The following PTPRA variants were observed in gnomAD, a reference collection of about 807,000 sequenced individuals.
PTPRA encodes protein tyrosine phosphatase receptor type A.
PTPRA carries 25 observed loss-of-function variants against 104.8 expected under a neutral mutation model. The ratio of observed to expected loss-of-function variants is 0.24; its 90% CI spans 0.17 to 0.33. The LOEUF (loss-of-function observed/expected upper bound fraction) is 0.33. Ranked by LOEUF, PTPRA falls within the 10% of genes least tolerant of loss-of-function variation. The pLI, the probability that PTPRA is intolerant of heterozygous loss-of-function variation, is 1.00. For synonymous variants in PTPRA, 323 were observed against 368.9 expected, an observed-to-expected ratio of 0.88 and a Z score of 1.43; for missense variants, 765 against 1,015.3, an observed-to-expected ratio of 0.75 and a Z score of 3.35.
At chr20:2,881,048 C>T (rs2090019535) in intron 1 of PTPRA, among the ~76,000 whole-genome samples, 1 of 151,396 alleles carries the variant, frequency 6.6e-6, no homozygotes, top group African/African-American at 2.4e-5. Flanking sequence ...GTGGGTCACA[C>T]CTGTAATCCC....
chr20:2,987,979 T>C, intron 7 of PTPRA, 53 bp from the exon 8 acceptor site: 1 of 1,424,692 alleles, frequency 7.0e-7, no homozygotes, highest in Non-Finnish European at 9.9e-7. Context: ...GAGGTGTGAT[T>C]TGCCTCTCCC....
At chr20:2,936,622 G>A (rs1193707442) in intron 2 of PTPRA, among the ~76,000 whole-genome samples, 2 of 150,928 alleles carry the variant, frequency 1.3e-5, no homozygotes, top group Non-Finnish European at 3.0e-5. Context: ...CATCATGCCT[G>A]GCTAATTTTT....
intron 2 of PTPRA, among the ~76,000 whole-genome samples, chr20:2,924,331 G>GTTCAA (rs2060214176): frequency 1.3e-5 from 2 of 152,346 alleles, no homozygotes; most frequent in Admixed American, 1.3e-4. Context: ...GAAGCCAGGA[G>GTTCAA]GCAGAAGTTG....
chr20:2,944,583 A>G (rs369434375), intron 2 of PTPRA, among the ~76,000 whole-genome samples: 6 of 152,164 alleles, frequency 3.9e-5, no homozygotes, highest in African/African-American at 9.7e-5. Context: ...TTACTTCTGC[A>G]TTTTATTGGT....
At chr20:3,005,237 C>T in intron 10 of PTPRA, 91 bp downstream of exon 10, 1 of 1,265,612 alleles carries the variant, frequency 7.9e-7, no homozygotes, top group Non-Finnish European at 1.1e-6. Context: ...CAATTGGGCA[C>T]AGCAGGGTGA....
intron 11 of PTPRA, among the ~76,000 whole-genome samples, chr20:3,014,504 C>T (rs545358480): frequency 1.3e-5 from 2 of 152,238 alleles, no homozygotes; most frequent in East Asian, 1.9e-4. Flanking sequence ...ATTAGCCGGC[C>T]GTGATGGCTC....
At chr20:2,940,307 GTTTTC>G (rs1352548451) in intron 2 of PTPRA, among the ~76,000 whole-genome samples, 7 of 148,868 alleles carry the variant, frequency 4.7e-5, no homozygotes, top group African/African-American at 1.2e-4. Flanking sequence ...ATTATATCTT[GTTTTC>G]TTTTCTTTTC....
At chr20:3,017,769 T>A in intron 12 of PTPRA, 47 bp from the exon 13 acceptor site, 1 of 1,537,644 alleles carries the variant, frequency 6.5e-7, no homozygotes, top group African/African-American at 1.4e-5. Context: ...CCCAGCATCT[T>A]TCTTCTTGGT....
intron 1 of PTPRA, among the ~76,000 whole-genome samples, chr20:2,910,021 CTATCATATATCATATCATATA>C (rs1568649371): frequency 1.2e-4 from 9 of 76,390 alleles, no homozygotes; most frequent in African/African-American, 1.1e-3. Flanking sequence ...CATATATAAT[CTATCATATATCATATCATATA>C]TAATATATAT....
chr20:2,885,212 GT>G (rs1237832071), intron 1 of PTPRA, among the ~76,000 whole-genome samples: 5 of 151,800 alleles, frequency 3.3e-5, no homozygotes, highest in Non-Finnish European at 1.5e-5. Flanking sequence ...AACACTTGTT[GT>G]TTTTTTTAAC....
chr20:2,899,045 A>C (rs549768694), intron 1 of PTPRA, among the ~76,000 whole-genome samples: 60 of 152,262 alleles, frequency 3.9e-4, no homozygotes, highest in African/African-American at 1.3e-3. Context: ...AGAGAACTAG[A>C]ATATTGTTTT....
At chr20:2,938,500 A>G (rs1001642293) in intron 2 of PTPRA, among the ~76,000 whole-genome samples, 1 of 151,670 alleles carries the variant, frequency 6.6e-6, no homozygotes, top group African/African-American at 2.4e-5. Context: ...GTTTTTAGCC[A>G]TTATTTCTTA....
intron 6 of PTPRA, among the ~76,000 whole-genome samples, chr20:2,976,807 A>T (rs1436146081): frequency 6.6e-6 from 1 of 152,216 alleles, no homozygotes. Flanking sequence ...ATAAGCAGTT[A>T]TGTCTTATGC....
chr20:3,021,783 C>T (rs1313556220), intron 14 of PTPRA, among the ~76,000 whole-genome samples: 1 of 152,210 alleles, frequency 6.6e-6, no homozygotes, highest in Non-Finnish European at 1.5e-5. Flanking sequence ...TGCCCCTGGC[C>T]CTCCAGGCAA....
chr20:2,991,651 G>A (rs1056318255), intron 9 of PTPRA, among the ~76,000 whole-genome samples: 1 of 152,144 alleles, frequency 6.6e-6, no homozygotes, highest in Non-Finnish European at 1.5e-5. Flanking sequence ...GGATGGTGAT[G>A]GTATTCCTGG....
intron 2 of PTPRA, among the ~76,000 whole-genome samples, chr20:2,933,909 A>G (rs2060597667): frequency 6.6e-6 from 1 of 152,230 alleles, no homozygotes; most frequent in African/African-American, 2.4e-5. Flanking sequence ...TAGGAAGGCT[A>G]CCTCAGCCTG....
Position 3,024,558 on chromosome 20 carries a change from C to A in PTPRA, c.1551C>A (p.His517Gln). The stretch of plus-strand genomic sequence containing the variant: ...TGGAAGTGACCTCTCTAGAAACCCA[C>A]CTGCAGAAAATTTACAACAAAATCC... ...TELEVTSLET[H>Q]LQKIYNKIPG... Residue 517 changes from histidine to glutamine, a missense_variant, in exon 17 of 24, where the codon CAC becomes CAA. Around this residue, in one of 4 missense-constraint regions of PTPRA, gnomAD observed 192 missense variants for 227.0 expected, o/e 0.85. Coordinates refer to ENST00000399903, the MANE Select transcript of PTPRA (RefSeq NM_001385305.1). 6.2e-7 allele frequency: 1 copy of A among 1,614,136 alleles called. No individual in the cohort carries two copies. The highest frequency in any genetic ancestry group is 8.5e-7 in the Non-Finnish European group (1 of 1,180,000).
At chr20:2,966,028 AG>A (rs1309738728) in intron 5 of PTPRA, among the ~76,000 whole-genome samples, 1 of 152,152 alleles carries the variant, frequency 6.6e-6, no homozygotes, top group East Asian at 1.9e-4. Flanking sequence ...CTGTGTTCCC[AG>A]TTAGATGGTG....
intron 6 of PTPRA, among the ~76,000 whole-genome samples, chr20:2,984,011 A>G (rs541159763): frequency 2.6e-5 from 4 of 151,924 alleles, no homozygotes; most frequent in South Asian, 2.1e-4. Flanking sequence ...GGAAACTGAG[A>G]TGGGCAGACG....
Sources: allele counts gnomAD v4.1 joint callset (sites outside exome capture counted in the v4.1 genomes callset), GRCh38; gene constraint gnomAD v4.1.1; regional missense constraint gnomAD v4.1.1; transcripts MANE v1.5; gene names NCBI Gene and HGNC (gene_info 2026-07-23, HGNC 2026-07-21).